The following SLC35F5 variants were observed in gnomAD, a reference collection of about 807,000 sequenced individuals.
SLC35F5 encodes the protein solute carrier family 35 member F5.
SLC35F5 carries 54 observed loss-of-function variants against 68.6 expected under a neutral mutation model. That is an observed-to-expected ratio of 0.79 (90% CI 0.63 to 0.99). The LOEUF is 0.99. SLC35F5 is among the 50% of genes least tolerant of loss of function. The probability of loss-of-function intolerance (pLI) is 0.00; values close to 1 mark genes in which losing one functional copy is unlikely to be tolerated. For synonymous variants in SLC35F5, 211 were observed against 205.2 expected (o/e 1.03, Z -0.24); for missense variants, 567 against 626.9 (o/e 0.90, Z 1.02).
chr2:113,734,752 A>C (rs1688022656), intron 8 of SLC35F5, 79 bp from the exon 9 acceptor site: 2 of 805,858 alleles, frequency 2.5e-6, no homozygotes, highest in East Asian at 2.5e-5. Flanking sequence ...TCATTGTTTA[A>C]ATAAGCAAAT....
At chr2:113,727,358 AAAAC>A (rs1687702496) in intron 11 of SLC35F5, among the ~76,000 whole-genome samples, 1 of 152,202 alleles carries the variant, frequency 6.6e-6, no homozygotes, top group Non-Finnish European at 1.5e-5. Context: ...ATTGATTAAA[AAAAC>A]AACAACAAAA....
At position 113,743,779 on chromosome 2, in the gene SLC35F5, C is replaced by T. The variant is rs1451612481; in HGVS notation, c.496G>A (p.Val166Met). The change falls in exon 6 of 16, where the codon GTG (valine) becomes ATG (methionine). Residue 166 changes from valine (V) to methionine (M), a missense_variant. Coordinates refer to ENST00000245680, the MANE Select transcript of SLC35F5 (RefSeq NM_025181.5). ...GGAAGATCATGGAATTTCACAGGCA[C>T]ATACAGAGGTTCACTCTGGAATGTA... is the stretch of plus-strand genomic sequence containing the variant. ...MNSSLSEPLY[V>M]PVKFHDLPSE... 3 of 1,607,136 alleles carry T rather than the reference C, an allele frequency of 1.9e-6. No individual in the cohort carries two copies. The highest frequency in any genetic ancestry group is 2.7e-5 in the African/African-American group (2 of 74,786).
At chr2:113,752,458 G>A (rs1676783521) in intron 3 of SLC35F5, among the ~76,000 whole-genome samples, 1 of 152,112 alleles carries the variant, frequency 6.6e-6, no homozygotes, top group Admixed American at 6.5e-5. Flanking sequence ...TGTCATGCTG[G>A]AATGTTACAG....
intron 10 of SLC35F5, among the ~76,000 whole-genome samples, chr2:113,730,601 A>G (rs1687844684): frequency 6.6e-6 from 1 of 152,168 alleles, no homozygotes; most frequent in South Asian, 2.1e-4. Context: ...GAAATAATTA[A>G]TCTAGGTTTA....
rs752923311 is a variant in SLC35F5, at chr2:113,717,771, A to T, written c.*4T>A. 7 of 1,611,176 alleles carry T rather than the reference A, an allele frequency of 4.3e-6. No individual in the cohort carries two copies. In the South Asian group the frequency reaches 7.7e-5, roughly 18 times the overall value. On this transcript the variant is annotated 3_prime_UTR_variant, in exon 15 of 16. Transcript: ENST00000245680. ...TACAAACCTGGGCTACAGACAACAG[A>T]CAGCTAACTAGCTCCATCCTCCTGA...
chr2:113,756,164 G>T, intron 1 of SLC35F5: 1 of 1,453,402 alleles, frequency 6.9e-7, no homozygotes, highest in Non-Finnish European at 9.0e-7. Flanking sequence ...CCGAGGCGAG[G>T]GCGCACGCAC....
At chr2:113,719,077 A>C in intron 14 of SLC35F5, 77 bp downstream of exon 14, 1 of 1,348,394 alleles carries the variant, frequency 7.4e-7, no homozygotes. Flanking sequence ...AATCTCTAAA[A>C]GCTAGGCCAG....
intron 13 of SLC35F5, among the ~76,000 whole-genome samples, chr2:113,721,948 C>T (rs1249369212): frequency 1.3e-5 from 2 of 149,078 alleles, no homozygotes; most frequent in Non-Finnish European, 3.0e-5. Flanking sequence ...GGATATAGAG[C>T]ACTAAGCATA....
intron 7 of SLC35F5, among the ~76,000 whole-genome samples, chr2:113,736,970 T>C (rs1688120215): frequency 6.6e-6 from 1 of 152,218 alleles, no homozygotes; most frequent in Non-Finnish European, 1.5e-5. Flanking sequence ...AATGCTACTA[T>C]GAATATCTTA....
intron 12 of SLC35F5, 38 bp from the exon 13 acceptor site, chr2:113,723,232 A>G: frequency 7.2e-7 from 1 of 1,397,810 alleles, no homozygotes; most frequent in African/African-American, 1.9e-5. Context: ...TATTTAAAAA[A>G]TTAAACCAAA....
intron 11 of SLC35F5, among the ~76,000 whole-genome samples, chr2:113,727,361 AC>A (rs1258103600): frequency 1.3e-5 from 2 of 152,194 alleles, no homozygotes; most frequent in African/African-American, 4.8e-5. Flanking sequence ...GATTAAAAAA[AC>A]AACAACAAAA....
chr2:113,713,859 G>T lies in SLC35F5; in HGVS notation c.*1359C>A, dbSNP rs979415832. The T allele has an allele frequency of 4.6e-5, 7 of 151,760 alleles. No individual in the cohort carries two copies. The highest frequency in any genetic ancestry group is 1.7e-4 in the African/African-American group (7 of 41,308). 9.4% of individuals were successfully genotyped at this position (151,760 alleles called of 1,614,324 possible). On this transcript the variant is annotated 3_prime_UTR_variant, in exon 16 of 16. Coordinates refer to ENST00000245680, the MANE Select transcript of SLC35F5 (RefSeq NM_025181.5). ...GTTCTCAGAATGAAACAAAAGGAAG[G>T]CTAAACTTCATTTTAGACTCATGGT... is the stretch of plus-strand genomic sequence containing the variant.
At position 113,743,942 on chromosome 2, in the gene SLC35F5, A is replaced by G. The variant is rs762438633; in HGVS notation, c.481-148T>C. The G allele has an allele frequency of 3.4e-4, 179 of 523,400 alleles. No individual in the cohort carries two copies. The Middle Eastern group carries it at 3.6e-3, about 10-fold the overall frequency. 32.4% of individuals were successfully genotyped at this position (523,400 alleles called of 1,614,324 possible). A position where few individuals can be genotyped will look rare whatever the true frequency, so the allele number is the denominator to read the frequency against. The stretch of plus-strand genomic sequence containing the variant: ...AAACAGCAATTTTCAAGACTTAAAA[A>G]AGGAAACTCAACAGATCCATACAGC... On this transcript the variant is annotated intron_variant, in intron 5 of 15. Coordinates refer to ENST00000245680, the MANE Select transcript of SLC35F5 (RefSeq NM_025181.5).
intron 4 of SLC35F5, among the ~76,000 whole-genome samples, chr2:113,749,726 T>C (rs915991145): frequency 6.6e-6 from 1 of 152,196 alleles, no homozygotes. Context: ...CTGATGGTTA[T>C]AGAGCAAAGT....
intron 3 of SLC35F5, 133 bp from the exon 4 acceptor site, chr2:113,750,701 A>G: frequency 1.3e-6 from 1 of 757,082 alleles, no homozygotes; most frequent in Non-Finnish European, 2.0e-6. Flanking sequence ...AAGCGATTAC[A>G]AAAGTATTTT....
intron 10 of SLC35F5, among the ~76,000 whole-genome samples, chr2:113,729,799 G>C (rs1348453428): frequency 6.6e-6 from 1 of 152,076 alleles, no homozygotes; most frequent in Non-Finnish European, 1.5e-5. Flanking sequence ...CAACTCCAAA[G>C]TAACACTTTG....
rs906634332 is a variant in SLC35F5 at position 113,712,335 on chromosome 2, T to C, written c.*2883A>G. Among the ~76,000 whole-genome samples, 4 of 152,218 alleles carry C rather than the reference T, an allele frequency of 2.6e-5. No homozygotes were observed. Among genetic ancestry groups the C allele is most frequent in the Non-Finnish European group, 4.4e-5 (3 of 68,040 alleles). On this transcript the variant is annotated 3_prime_UTR_variant, in exon 16 of 16. Transcript: ENST00000245680. ...TCAAAAGTATTCACTTTTTTTTTTT[T>C]TGAGACGGAGTCTCGCTGTCGCCCA...
chr2:113,754,464 CGTA>C (rs1201579303), intron 3 of SLC35F5, among the ~76,000 whole-genome samples: 1 of 152,012 alleles, frequency 6.6e-6, no homozygotes. Flanking sequence ...AAAATTGCAA[CGTA>C]GAAGTTGAAA....
chr2:113,734,109 T>C (rs539960408), intron 9 of SLC35F5, among the ~76,000 whole-genome samples: 2 of 152,366 alleles, frequency 1.3e-5, no homozygotes, highest in African/African-American at 4.8e-5. Context: ...ACTCATATTA[T>C]GCAGTAGTGC....
Sources: allele counts gnomAD v4.1 joint callset (sites outside exome capture counted in the v4.1 genomes callset), GRCh38; gene constraint gnomAD v4.1.1; transcripts MANE v1.5; gene names NCBI Gene and HGNC (gene_info 2026-07-23, HGNC 2026-07-21).